FGF1: variants seen among roughly 807,000 people sequenced by gnomAD.
FGF1 encodes fibroblast growth factor 1.
Under a neutral mutation model 13.4 loss-of-function variants are expected in FGF1, and 9 were observed. The observed-to-expected ratio is 0.67, with a 90% CI of 0.40 to 1.17. The LOEUF (loss-of-function observed/expected upper bound fraction) is 1.17, where lower values mean the gene tolerates loss of function less well. FGF1 is among the 50% of genes most tolerant of loss of function. The pLI, the probability that FGF1 is intolerant of heterozygous loss-of-function variation, is 0.01. For missense variants in FGF1, 156 were observed against 192.7 expected (o/e 0.81, Z 1.13); for synonymous variants, 93 against 79.0 (o/e 1.18, Z -0.94).
intron 1 of FGF1, among the ~76,000 whole-genome samples, chr5:142,655,318 A>C (rs957233399): frequency 1.3e-5 from 2 of 152,186 alleles, no homozygotes; most frequent in African/African-American, 4.8e-5. Flanking sequence ...CCCTTCCCTC[A>C]TCTCGTCCAC....
At chr5:142,595,982 A>G (rs189855987) in intron 3 of FGF1, among the ~76,000 whole-genome samples, 3 of 152,376 alleles carry the variant, frequency 2.0e-5, no homozygotes, top group Admixed American at 2.0e-4. Context: ...CTAGACTTAA[A>G]GAATAAACAA....
intron 1 of FGF1, among the ~76,000 whole-genome samples, chr5:142,656,183 G>A (rs1768109755): frequency 6.6e-6 from 1 of 150,890 alleles, no homozygotes; most frequent in African/African-American, 2.5e-5. Context: ...GTGCCCTCAG[G>A]AACCAGTATC....
intron 1 of FGF1, among the ~76,000 whole-genome samples, chr5:142,654,972 C>T (rs1297448651): frequency 1.3e-5 from 2 of 152,198 alleles, no homozygotes; most frequent in Non-Finnish European, 2.9e-5. Flanking sequence ...CCAAACAGGG[C>T]CGGGCCTCAG....
intron 1 of FGF1, among the ~76,000 whole-genome samples, chr5:142,659,774 G>GAACAACAT (rs1768858039): frequency 6.6e-6 from 1 of 152,208 alleles, no homozygotes; most frequent in South Asian, 2.1e-4. Flanking sequence ...GCTGAGGGGT[G>GAACAACAT]CCATTGTTGT....
At chr5:142,665,760 A>G (rs938966356) in intron 1 of FGF1, among the ~76,000 whole-genome samples, 3 of 152,198 alleles carry the variant, frequency 2.0e-5, no homozygotes, top group Non-Finnish European at 2.9e-5. Flanking sequence ...AAGGTTCTAC[A>G]GTGATCCTAA....
At chr5:142,640,470 TTTG>T (rs1765014276) in intron 1 of FGF1, among the ~76,000 whole-genome samples, 1 of 148,350 alleles carries the variant, frequency 6.7e-6, no homozygotes, top group South Asian at 2.1e-4. Context: ...AGCTGAGGCC[TTTG>T]CCAGGTGGGG....
intron 2 of FGF1, among the ~76,000 whole-genome samples, chr5:142,604,610 G>T (rs1386692619): frequency 6.6e-6 from 1 of 152,170 alleles, no homozygotes; most frequent in African/African-American, 2.4e-5. Flanking sequence ...CATGGAAAGT[G>T]GCCAGTACTC....
At position 142,595,350 on chromosome 5, in the gene FGF1, A is replaced by C. The variant is rs1755033037; in HGVS notation, c.408T>G (p.Pro136=). ...LKKNGSCKRG[P]RTHYGQKAIL... ...TTGCTTTCTGGCCATAGTGAGTCCG[A>C]GGACCGCGTTTGCAGCTCCCATTCT... is the stretch of plus-strand genomic sequence containing the variant. The change falls in exon 4 of 4, where the codon CCT becomes CCG. Residue 136 remains proline, a synonymous_variant. Transcript: ENST00000337706. The C allele has an allele frequency of 4.3e-6, 7 of 1,613,978 alleles. No individual in the cohort carries two copies. Among genetic ancestry groups the C allele is most frequent in the Non-Finnish European group, 5.1e-6 (6 of 1,179,958 alleles).
Position 142,593,542 on chromosome 5 carries a change from A to T in FGF1, c.*1748T>A, listed in dbSNP as rs952956210. Reference sequence around the variant, plus strand: ...TTTAGTTAACAATTACTTCAATTTCATATGAAACAGGAGCTAACACTCTCA... The same window carrying T: ...TTTAGTTAACAATTACTTCAATTTCTTATGAAACAGGAGCTAACACTCTCA... On this transcript the variant is annotated 3_prime_UTR_variant, in exon 4 of 4. Transcript: ENST00000337706. The T allele has an allele frequency of 1.3e-5, 2 of 152,214 alleles. No homozygotes were observed. Among genetic ancestry groups the T allele is most frequent in the Non-Finnish European group, 2.9e-5 (2 of 68,046 alleles). The allele number at this position is 152,214 out of a possible 1,614,324, so 9.4% of individuals were successfully genotyped here.
intron 1 of FGF1, among the ~76,000 whole-genome samples, chr5:142,651,992 C>T (rs368513187): frequency 2.0e-5 from 3 of 152,250 alleles, no homozygotes; most frequent in African/African-American, 4.8e-5. Flanking sequence ...TCGTACCATG[C>T]GCTCTATTAA....
intron 1 of FGF1, among the ~76,000 whole-genome samples, chr5:142,647,410 TA>T (rs768754445): frequency 6.6e-6 from 1 of 152,238 alleles, no homozygotes; most frequent in Non-Finnish European, 1.5e-5. Flanking sequence ...AGCTGCTATA[TA>T]AACCCAAGTT....
At chr5:142,668,710 C>A (rs551762906) in intron 1 of FGF1, among the ~76,000 whole-genome samples, 4 of 152,354 alleles carry the variant, frequency 2.6e-5, no homozygotes, top group Admixed American at 2.0e-4. Context: ...GCACCTAGCA[C>A]ATTGCCTCAT....
At chr5:142,628,716 C>A (rs867430219) in intron 1 of FGF1, among the ~76,000 whole-genome samples, 17 of 152,154 alleles carry the variant, frequency 1.1e-4, no homozygotes, top group African/African-American at 4.1e-4. Flanking sequence ...ATGTCCACTG[C>A]CCCCTGTCAT....
chr5:142,678,983 G>A (rs1040796975), intron 1 of FGF1, among the ~76,000 whole-genome samples: 2 of 152,204 alleles, frequency 1.3e-5, no homozygotes, highest in Admixed American at 6.5e-5. Context: ...AACCTTGGGT[G>A]TGTGAGCTCA....
chr5:142,634,257 C>G (rs1763898526), intron 1 of FGF1, among the ~76,000 whole-genome samples: 1 of 151,862 alleles, frequency 6.6e-6, no homozygotes, highest in Non-Finnish European at 1.5e-5. Context: ...ATGTGTGCTC[C>G]TTTTATCCAC....
intron 1 of FGF1, among the ~76,000 whole-genome samples, chr5:142,627,725 A>G (rs556631833): frequency 1.6e-3 from 247 of 152,368 alleles, no homozygotes; most frequent in African/African-American, 5.7e-3. Context: ...GGGCAGGAAG[A>G]AAACAGTCAC....
At chr5:142,663,249 G>GAAAAAAAAA (rs60474431) in intron 1 of FGF1, among the ~76,000 whole-genome samples, 1 of 138,652 alleles carries the variant, frequency 7.2e-6, no homozygotes, top group Non-Finnish European at 1.6e-5. Flanking sequence ...AATCAGGAAA[G>GAAAAAAAAA]AAAAAAAAAA....
At chr5:142,615,133 C>T (rs976430266) in intron 1 of FGF1, among the ~76,000 whole-genome samples, 2 of 152,014 alleles carry the variant, frequency 1.3e-5, no homozygotes, top group Non-Finnish European at 2.9e-5. Context: ...ATACTTGCCC[C>T]ACCATTTAGG....
At chr5:142,610,211 T>C (rs778412598) in intron 2 of FGF1, among the ~76,000 whole-genome samples, 1 of 152,210 alleles carries the variant, frequency 6.6e-6, no homozygotes, top group African/African-American at 2.4e-5. Flanking sequence ...TAGATGTTTA[T>C]TGAATATATT....
Sources: gnomAD v4.1 joint callset for allele counts (sites outside exome capture counted in the v4.1 genomes callset) on GRCh38, gnomAD v4.1.1 for gene constraint, MANE v1.5 for transcripts, NCBI Gene and HGNC (gene_info 2026-07-23, HGNC 2026-07-21) for gene names.